The following ZNF391 variants were observed in gnomAD, a reference collection of about 807,000 sequenced individuals.
ZNF391 encodes zinc finger protein 391.
For synonymous variants in ZNF391, 126 were observed against 142.1 expected (o/e 0.89, Z 0.80); for missense variants, 375 against 425.5 (o/e 0.88, Z 1.04).
At chr6:27,381,995 G>A (rs886939754) in intron 1 of ZNF391, among the ~76,000 whole-genome samples, 12 of 135,030 alleles carry the variant, frequency 8.9e-5, no homozygotes, top group African/African-American at 2.5e-4. Context: ...GATCGGGGCC[G>A]CTGCACTCCA....
chr6:27,401,374 G>A lies in ZNF391; in HGVS notation c.1004G>A (p.Cys335Tyr). Reference sequence around the variant, plus strand: ...CATACCGGGGAGAAGCCGTACAAATGTAATGACTGTGGAAAAGCCTTCTGT... The same window carrying A: ...CATACCGGGGAGAAGCCGTACAAATATAATGACTGTGGAAAAGCCTTCTGT... ...RTHTGEKPYK[C>Y]NDCGKAFCQS... The change falls in exon 3 of 3, where the codon TGT (cysteine) becomes TAT (tyrosine). Residue 335 changes from cysteine to tyrosine, a missense_variant. Cys to Tyr is a radical substitution (Grantham distance 194). Coordinates refer to ENST00000244576, the MANE Select transcript of ZNF391 (RefSeq NM_001076781.3). 6.2e-7 allele frequency: 1 copy of A among 1,613,650 alleles called. No individual in the cohort carries two copies. The highest frequency in any genetic ancestry group is 8.5e-7 in the Non-Finnish European group (1 of 1,179,870).
At chr6:27,379,613 A>ACCC (rs56209734) in intron 1 of ZNF391, among the ~76,000 whole-genome samples, 1 of 151,408 alleles carries the variant, frequency 6.6e-6, no homozygotes. Flanking sequence ...TCACCAGGGG[A>ACCC]CCCCCCCCCA....
chr6:27,401,524 T>C lies in ZNF391; in HGVS notation c.*77T>C, dbSNP rs1191755095. The C allele has an allele frequency of 9.0e-7, 1 of 1,116,510 alleles. No individual in the cohort carries two copies. The highest frequency in any genetic ancestry group is 1.3e-6 in the Non-Finnish European group (1 of 791,288). 69.2% of individuals were successfully genotyped at this position (1,116,510 alleles called of 1,614,324 possible). A position where few individuals can be genotyped will look rare whatever the true frequency, so the allele number is the denominator to read the frequency against. Reference sequence around the variant, plus strand: ...ACCACTGAAATATATATATTTCAAGTATATATATACTTGTTCTAATTTTCT... The same window carrying C: ...ACCACTGAAATATATATATTTCAAGCATATATATACTTGTTCTAATTTTCT... On this transcript the variant is annotated 3_prime_UTR_variant, in exon 3 of 3. Transcript: ENST00000244576.
rs1376146204 is a variant in ZNF391, at chr6:27,403,638, G to A, written c.*2191G>A. 2.0e-5 allele frequency: 3 copies of A among 152,044 alleles called. No homozygotes were observed. The highest frequency in any genetic ancestry group is 2.9e-5 in the Non-Finnish European group (2 of 68,022). The allele number at this position is 152,044 out of a possible 1,614,324, so 9.4% of individuals were successfully genotyped here. A position where few individuals can be genotyped will look rare whatever the true frequency, so the allele number is the denominator to read the frequency against. ...ACTCTAGTTTTAATCTAAATACATA[G>A]GGTTTAATTTAGCAGCATAATCTTT... On this transcript the variant is annotated 3_prime_UTR_variant, in exon 3 of 3. Coordinates refer to ENST00000244576, the MANE Select transcript of ZNF391 (RefSeq NM_001076781.3).
chr6:27,375,703 A>G (rs1581521015), intron 1 of ZNF391, among the ~76,000 whole-genome samples: 1 of 152,172 alleles, frequency 6.6e-6, no homozygotes, highest in Non-Finnish European at 1.5e-5. Context: ...GGCTGCTGCA[A>G]AGTTAACATC....
chr6:27,393,011 C>G (rs1236751592), intron 1 of ZNF391, among the ~76,000 whole-genome samples: 1 of 152,190 alleles, frequency 6.6e-6, no homozygotes, highest in Admixed American at 6.5e-5. Context: ...ATTCCTTTCA[C>G]AAGTTCTTTT....
intron 1 of ZNF391, among the ~76,000 whole-genome samples, chr6:27,383,388 T>C (rs1424989274): frequency 6.6e-6 from 1 of 152,158 alleles, no homozygotes; most frequent in African/African-American, 2.4e-5. Flanking sequence ...TAGAGAACAC[T>C]GAGCAAAATA....
upstream of ZNF391, among the ~76,000 whole-genome samples, chr6:27,384,430 C>G (rs1170391184): frequency 1.4e-5 from 2 of 143,754 alleles, no homozygotes; most frequent in Admixed American, 7.1e-5. Flanking sequence ...CACCACTGCA[C>G]TCCAGCCTGG....
At position 27,376,374 on chromosome 6, in the gene ZNF391, G is replaced by A. The variant is rs1761417872; in HGVS notation, n.523+1237G>A. 6.6e-6 allele frequency among the ~76,000 whole-genome samples: 1 copy of A among 152,190 alleles called. No homozygotes were observed. On this transcript the variant is annotated intron_variant and non_coding_transcript_variant, in intron 1 of 2. Coordinates refer to the ZNF391 transcript ENST00000477999. This position sits in a 1 kb window ranked among gnomAD's most constrained non-coding sequence, Gnocchi z 4.7. ...ACAGGAGCACATATTCTTAATTGCT[G>A]TAGAAACAGGCCCAAGATGTTATTA...
chr6:27,390,535 C>G (rs898421877), intron 1 of ZNF391, among the ~76,000 whole-genome samples: 10 of 134,320 alleles, frequency 7.4e-5, no homozygotes, highest in African/African-American at 2.8e-4. Context: ...GCCCTAACCT[C>G]CTAGCATCTC....
At position 27,401,090 on chromosome 6, in the gene ZNF391, A is replaced by G; in HGVS notation, c.720A>G (p.Gln240=). 1.2e-6 allele frequency: 2 copies of G among 1,614,220 alleles called. No homozygotes were observed. The highest frequency in any genetic ancestry group is 1.1e-5 in the South Asian group (1 of 91,090). The change falls in exon 3 of 3, where the codon CAA becomes CAG. Residue 240 remains glutamine, a synonymous_variant. Transcript: ENST00000244576. The stretch of plus-strand genomic sequence containing the variant: ...ACCGTTCAACCATAATTCAGCATCA[A>G]CGAATACACACTGGAGAGAATCCCT... The part of the protein sequence containing the change: ...FGDRSTIIQH[Q]RIHTGENPYE...
At chr6:27,387,983 T>A (rs2113644723), upstream of ZNF391, among the ~76,000 whole-genome samples, 1 of 152,348 alleles carries the variant, frequency 6.6e-6, no homozygotes. Flanking sequence ...CCTTTGTACT[T>A]CATGGCTCAT....
chr6:27,392,708 T>C (rs1342000284), intron 1 of ZNF391, among the ~76,000 whole-genome samples: 1 of 152,220 alleles, frequency 6.6e-6, no homozygotes, highest in South Asian at 2.1e-4. Context: ...GGAGTTTAGT[T>C]TCTTGGCCAT....
rs1485045610 is a variant in ZNF391 at position 27,376,758 on chromosome 6, CAGG to C, written n.523+1624_523+1626del. On this transcript the variant is annotated intron_variant and non_coding_transcript_variant, in intron 1 of 2. Coordinates refer to the ZNF391 transcript ENST00000477999. This position sits in a 1 kb window ranked among gnomAD's most constrained non-coding sequence, Gnocchi z 4.7. The stretch of plus-strand genomic sequence containing the variant: ...CTTGAAGCTACTCCGGCGGCTGAGG[CAGG>C]AGAATTGCTTGAACCCAGGAGGTGG... Among the ~76,000 whole-genome samples the C allele has an allele frequency of 6.6e-6, 1 of 152,098 alleles. No homozygotes were observed. The highest frequency in any genetic ancestry group is 1.5e-5 in the Non-Finnish European group (1 of 68,024).
upstream of ZNF391, among the ~76,000 whole-genome samples, chr6:27,383,832 C>T (rs1224183793): frequency 6.6e-6 from 1 of 151,682 alleles, no homozygotes; most frequent in African/African-American, 2.4e-5. Flanking sequence ...TACAGAAAAT[C>T]GAAATTAAAG....
At chr6:27,398,316 G>T (rs1761873101) in intron 1 of ZNF391, among the ~76,000 whole-genome samples, 1 of 152,156 alleles carries the variant, frequency 6.6e-6, no homozygotes, top group African/African-American at 2.4e-5. Flanking sequence ...AAGCTTTAAT[G>T]AGGAAATTTA....
intron 1 of ZNF391, among the ~76,000 whole-genome samples, chr6:27,396,096 A>G (rs892932503): frequency 6.6e-6 from 1 of 152,210 alleles, no homozygotes; most frequent in Admixed American, 6.5e-5. Context: ...CTAGAGAAGT[A>G]TTTCTCTACC....
At chr6:27,394,471 T>C (rs1056867922) in intron 1 of ZNF391, among the ~76,000 whole-genome samples, 1 of 152,226 alleles carries the variant, frequency 6.6e-6, no homozygotes, top group Non-Finnish European at 1.5e-5. Context: ...TGAAGGAGGC[T>C]TGGAAGCCTC....
chr6:27,375,543 A>T (rs980478384), intron 1 of ZNF391, among the ~76,000 whole-genome samples: 1 of 152,252 alleles, frequency 6.6e-6, no homozygotes, highest in African/African-American at 2.4e-5. Context: ...ACAGGGTCCC[A>T]GAAAAATCAG....
Sources: gnomAD v4.1 joint callset for allele counts (sites outside exome capture counted in the v4.1 genomes callset) on GRCh38, gnomAD v4.1.1 for gene constraint, Gnocchi (gnomAD v3.1) non-coding constraint, MANE v1.5 for transcripts, NCBI Gene and HGNC (gene_info 2026-07-23, HGNC 2026-07-21) for gene names.